The following LRIG3 variants were observed in gnomAD, a reference collection of about 807,000 sequenced individuals.
The protein encoded by LRIG3 is leucine-rich repeats and immunoglobulin-like domains protein 3.
In LRIG3, 76 loss-of-function variants were observed where a neutral mutation model predicts 114.5. The ratio of observed to expected loss-of-function variants is 0.66; its 90% CI spans 0.55 to 0.80. LRIG3 has a LOEUF of 0.80. LRIG3 is among the 30% of genes least tolerant of loss of function. LRIG3 has a pLI of 0.00. For synonymous variants in LRIG3, 512 were observed against 519.8 expected, an observed-to-expected ratio of 0.98 and a Z score of 0.20; for missense variants, 1,239 against 1,382.8, an observed-to-expected ratio of 0.90 and a Z score of 1.65.
Position 58,914,038 on chromosome 12 carries a change from T to C in LRIG3, c.327A>G (p.Glu109=). 1 of 1,610,518 alleles carries C rather than the reference T, an allele frequency of 6.2e-7. No homozygotes were observed. Among genetic ancestry groups the C allele is most frequent in the Non-Finnish European group, 8.5e-7 (1 of 1,179,378 alleles). Reference sequence around the variant, plus strand: ...GTCCCAGATTTGGAATGGTCTCCAATTCATTGTTGTTCAGTTTCCTACAAA... The same window carrying C: ...GTCCCAGATTTGGAATGGTCTCCAACTCATTGTTGTTCAGTTTCCTACAAA... ...SLREVKLNNN[E]LETIPNLGPV... The change falls in exon 3 of 19, where the codon GAA becomes GAG. Residue 109 remains glutamate (E), a synonymous_variant. Coordinates refer to ENST00000320743, the MANE Select transcript of LRIG3 (RefSeq NM_153377.5).
chr12:58,873,235 T>C (rs1436297675), intron 18 of LRIG3, among the ~76,000 whole-genome samples: 1 of 152,228 alleles, frequency 6.6e-6, no homozygotes, highest in African/African-American at 2.4e-5. Context: ...TGTCCTGCCC[T>C]TTCTTCATTA....
rs201580781 is a variant in LRIG3, at chr12:58,902,114, TAAGAGA to T, written c.384-11324_384-11319del. On this transcript the variant is annotated intron_variant, in intron 3 of 18. Coordinates refer to ENST00000320743, the MANE Select transcript of LRIG3 (RefSeq NM_153377.5). Reference sequence around the variant, plus strand: ...TAAGACAGGAAAGGCCAGAGGAGAATAAGAGAAAGAGAGATTTATACAATTAATTGA... The same window carrying T: ...TAAGACAGGAAAGGCCAGAGGAGAATAAGAGAGATTTATACAATTAATTGA... Among the ~76,000 whole-genome samples the T allele has an allele frequency of 2.8e-4, 42 of 152,268 alleles. No individual in the cohort carries two copies. In the East Asian group the frequency reaches 5.0e-3, roughly 18 times the overall value.
chr12:58,919,381 A>G (rs1345577334), intron 1 of LRIG3: 3 of 1,551,200 alleles, frequency 1.9e-6, no homozygotes, highest in East Asian at 2.4e-5. Context: ...CCCTTTCCAT[A>G]GCTACCGACC....
intron 10 of LRIG3, among the ~76,000 whole-genome samples, chr12:58,885,421 AAAGAT>A (rs1191871500): frequency 2.6e-5 from 4 of 152,186 alleles, no homozygotes; most frequent in African/African-American, 9.6e-5. Context: ...GCTTAACAAT[AAAGAT>A]AATAATAGCT....
At chr12:58,914,093 G>A (rs1043332133) in intron 2 of LRIG3, 37 bp from the exon 3 acceptor site, 62 of 1,578,044 alleles carry the variant, frequency 3.9e-5, no homozygotes, top group Non-Finnish European at 4.8e-5. Flanking sequence ...AAGAAAAGCT[G>A]ATTAGGTAAT....
In LRIG3 at chr12:58,883,005, G is replaced by A. The variant is rs770494776; in HGVS notation, c.1344C>T (p.Cys448=). The change falls in exon 12 of 19, where the codon TGC becomes TGT. Residue 448 remains cysteine, a synonymous_variant. Coordinates refer to ENST00000320743, the MANE Select transcript of LRIG3 (RefSeq NM_153377.5). ...GTGGGAGCCATTTTAGCTGGCAATCGCACAAAAGGCTTGATGTATTTAAAT... is the reference window on the plus strand; with the variant it reads ...GTGGGAGCCATTTTAGCTGGCAATCACACAAAAGGCTTGATGTATTTAAAT... The part of the protein sequence containing the change: ...QLHLNTSSLL[C]DCQLKWLPQW... The A allele has an allele frequency of 5.6e-6, 9 of 1,613,294 alleles. No homozygotes were observed. Among genetic ancestry groups the A allele is most frequent in the East Asian group, 2.2e-5 (1 of 44,870 alleles).
chr12:58,911,817 G>T (rs192538728), intron 3 of LRIG3, among the ~76,000 whole-genome samples: 2 of 152,278 alleles, frequency 1.3e-5, no homozygotes, highest in Admixed American at 1.3e-4. Context: ...AATCAAGCCT[G>T]CAGGAGGAAA....
chr12:58,912,144 A>C (rs1054049938), intron 3 of LRIG3, among the ~76,000 whole-genome samples: 2 of 152,254 alleles, frequency 1.3e-5, no homozygotes, highest in Non-Finnish European at 2.9e-5. Context: ...AGGAGCACAA[A>C]TTTCTAACTT....
intron 7 of LRIG3, among the ~76,000 whole-genome samples, 193 bp from the exon 8 acceptor site, chr12:58,888,125 T>C (rs957399447): frequency 2.6e-5 from 4 of 152,218 alleles, no homozygotes; most frequent in African/African-American, 4.8e-5. Flanking sequence ...ATAACCATCA[T>C]TGCTTTTGCC....
chr12:58,899,349 CTT>C (rs1871759482), intron 3 of LRIG3, among the ~76,000 whole-genome samples: 1 of 152,192 alleles, frequency 6.6e-6, no homozygotes, highest in Non-Finnish European at 1.5e-5. Context: ...ACTGACGTCT[CTT>C]TGTGAAATTC....
Position 58,885,921 on chromosome 12 carries a change from T to C in LRIG3, c.1173-19A>G, listed in dbSNP as rs367655904. The stretch of plus-strand genomic sequence containing the variant: ...GAGTATCCTGGGGAAAAAAATTACA[T>C]TGGAGCACTTAATTTAAAAAGCCAT... On this transcript the variant is annotated intron_variant, in intron 9 of 18. Transcript: ENST00000320743. 8.2e-5 allele frequency: 126 copies of C among 1,541,718 alleles called. No individual in the cohort carries two copies. Among genetic ancestry groups the C allele is most frequent in the Non-Finnish European group, 1.0e-4 (115 of 1,132,990 alleles).
chr12:58,875,499 A>C (rs1459298635), intron 16 of LRIG3, among the ~76,000 whole-genome samples: 1 of 152,190 alleles, frequency 6.6e-6, no homozygotes, highest in Non-Finnish European at 1.5e-5. Context: ...CTTATGGGAA[A>C]AGTTGGTCAT....
chr12:58,906,301 C>A (rs530983182), intron 3 of LRIG3, among the ~76,000 whole-genome samples: 1 of 152,206 alleles, frequency 6.6e-6, no homozygotes, highest in African/African-American at 2.4e-5. Flanking sequence ...CAACTATTTG[C>A]GGTCTACTGC....
intron 2 of LRIG3, 60 bp downstream of exon 2, chr12:58,914,205 A>C: frequency 6.5e-7 from 1 of 1,537,812 alleles, no homozygotes; most frequent in Non-Finnish European, 9.0e-7. Context: ...CTTACGGTTA[A>C]ATAGTATAAG....
At chr12:58,919,590 A>C (rs1213582854) in intron 1 of LRIG3, 3 of 1,532,664 alleles carry the variant, frequency 2.0e-6, no homozygotes, top group Non-Finnish European at 1.8e-6. Flanking sequence ...TAGAAACTAA[A>C]ACTGAACCAG....
chr12:58,919,296 G>C (rs1160742368), intron 1 of LRIG3: 85 of 1,248,466 alleles, frequency 6.8e-5, no homozygotes, highest in Non-Finnish European at 8.9e-5. Flanking sequence ...AGCTCCCTGC[G>C]CTCTCCCCTA....
In LRIG3 at chr12:58,920,409, C is replaced by T. The variant is rs1279919746; in HGVS notation, c.-174G>A. 2.7e-5 allele frequency: 12 copies of T among 445,892 alleles called. No homozygotes were observed. In the Middle Eastern group the frequency reaches 1.7e-3, roughly 64 times the overall value. The allele number at this position is 445,892 out of a possible 1,614,324, so 27.6% of individuals were successfully genotyped here. On this transcript the variant is annotated 5_prime_UTR_variant, in exon 1 of 19. Coordinates refer to ENST00000320743, the MANE Select transcript of LRIG3 (RefSeq NM_153377.5). ...CTCCCGGCGGCGAAGCCCTTTCATG[C>T]CCCCAAACAGCAGGAGGGAAACCGA...
At chr12:58,889,956 A>G (rs1484563259) in intron 5 of LRIG3, 40 bp downstream of exon 5, 1 of 1,599,818 alleles carries the variant, frequency 6.3e-7, no homozygotes, top group East Asian at 2.3e-5. Flanking sequence ...AAGGGTTTGG[A>G]GGAGGTGAGA....
In LRIG3 at chr12:58,880,588, T is replaced by A. The variant is rs766632145; in HGVS notation, c.1794A>T (p.Thr598=). Residue 598 remains threonine, a synonymous_variant, in exon 13 of 19, where the codon ACA becomes ACT. Coordinates refer to ENST00000320743, the MANE Select transcript of LRIG3 (RefSeq NM_153377.5). ...AAAAGTCAGATCACATACTATTTAC[T>A]GTAAGCTTGGCTTTGACAGAGTAGG... The part of the protein sequence containing the change: ...GSSYSVKAKL[T]VNMLPSFTKT... 1.2e-6 allele frequency: 2 copies of A among 1,610,794 alleles called. No homozygotes were observed. The highest frequency in any genetic ancestry group is 1.7e-6 in the Non-Finnish European group (2 of 1,177,138).
Sources: gnomAD v4.1 joint callset for allele counts (sites outside exome capture counted in the v4.1 genomes callset) on GRCh38, gnomAD v4.1.1 for gene constraint, MANE v1.5 for transcripts, NCBI Gene and HGNC (gene_info 2026-07-23, HGNC 2026-07-21) for gene names.